The following PRKD1 variants were observed in gnomAD, a reference collection of about 807,000 sequenced individuals.
PRKD1 encodes the protein protein kinase D1.
In PRKD1, 63 loss-of-function variants were observed where a neutral mutation model predicts 95.9. The observed-to-expected ratio is 0.66, with a 90% CI of 0.54 to 0.81. PRKD1 has a LOEUF of 0.81. Among genes scored for constraint, PRKD1 ranks in the 30% least tolerant of loss-of-function variants. PRKD1 has a pLI of 0.00. For missense variants in PRKD1, 1,048 were observed against 1,165.3 expected (o/e 0.90, Z 1.47); for synonymous variants, 425 against 423.1 (o/e 1.00, Z -0.05).
chr14:29,652,726 G>T (rs946782145), intron 4 of PRKD1: 8 of 152,280 alleles, frequency 5.3e-5, no homozygotes, highest in African/African-American at 1.4e-4. Context: ...TATTTAAATG[G>T]AAAAATGACT....
intron 9 of PRKD1, 148 bp from the exon 10 acceptor site, chr14:29,631,169 C>T (rs1879983392): frequency 3.8e-6 from 3 of 794,872 alleles, no homozygotes; most frequent in Admixed American, 3.2e-5. Context: ...CAGAATACTG[C>T]TAAGCAAAAT....
At chr14:29,696,640 CAATAAAAT>C (rs1285805619) in intron 2 of PRKD1, among the ~76,000 whole-genome samples, 2 of 151,988 alleles carry the variant, frequency 1.3e-5, no homozygotes, top group Admixed American at 6.6e-5. Flanking sequence ...AATTATATCC[CAATAAAAT>C]ATTTTTAAAA....
chr14:29,879,429 G>A (rs1377537044), intron 1 of PRKD1, among the ~76,000 whole-genome samples: 6 of 152,222 alleles, frequency 3.9e-5, no homozygotes, highest in African/African-American at 7.2e-5. Context: ...CTGCCACCAC[G>A]TAAGAAGTAC....
chr14:29,718,409 C>T (rs1244151028), intron 2 of PRKD1, among the ~76,000 whole-genome samples: 1 of 151,450 alleles, frequency 6.6e-6, no homozygotes, highest in Admixed American at 6.6e-5. Context: ...GCCCTCCCAA[C>T]CATGTGGAAC....
intron 1 of PRKD1, among the ~76,000 whole-genome samples, chr14:29,839,896 T>A (rs911232466): frequency 6.6e-6 from 1 of 152,002 alleles, no homozygotes; most frequent in East Asian, 1.9e-4. Context: ...ATGGGCTCCC[T>A]TGGACCAGCC....
At chr14:29,850,129 A>G (rs78688012) in intron 1 of PRKD1, among the ~76,000 whole-genome samples, 3,717 of 152,242 alleles carry the variant, frequency 0.024, 148 homozygotes, top group African/African-American at 0.084. Flanking sequence ...CATTCACCTT[A>G]AGAACTGGAA....
chr14:29,843,558 A>T (rs1183376920), intron 1 of PRKD1, among the ~76,000 whole-genome samples: 2 of 152,192 alleles, frequency 1.3e-5, no homozygotes, highest in African/African-American at 4.8e-5. Flanking sequence ...ATGGAGAGAA[A>T]ATTCTAAATG....
intron 1 of PRKD1, among the ~76,000 whole-genome samples, chr14:29,756,560 C>T (rs1027818636): frequency 6.6e-6 from 1 of 152,204 alleles, no homozygotes; most frequent in Non-Finnish European, 1.5e-5. Context: ...AAAAGCAAGA[C>T]AAAACTCCCA....
At chr14:29,698,344 G>A (rs1452658189) in intron 2 of PRKD1, among the ~76,000 whole-genome samples, 1 of 152,022 alleles carries the variant, frequency 6.6e-6, no homozygotes, top group Non-Finnish European at 1.5e-5. Context: ...TTATTTATAA[G>A]GAAAGCTTTT....
intron 13 of PRKD1, among the ~76,000 whole-genome samples, chr14:29,612,428 A>G (rs1194387546): frequency 6.6e-6 from 1 of 152,216 alleles, no homozygotes; most frequent in East Asian, 1.9e-4. Context: ...TATGCTGGGA[A>G]ATAATGATTT....
At chr14:29,758,447 T>C (rs762852596) in intron 1 of PRKD1, among the ~76,000 whole-genome samples, 11 of 152,208 alleles carry the variant, frequency 7.2e-5, no homozygotes, top group Admixed American at 4.6e-4. Context: ...GCACCTCTTG[T>C]TGATATAACG....
At chr14:29,688,747 C>T (rs1884031117) in intron 2 of PRKD1, among the ~76,000 whole-genome samples, 1 of 151,844 alleles carries the variant, frequency 6.6e-6, no homozygotes, top group African/African-American at 2.4e-5. Context: ...GCCTGGGCAA[C>T]ACGGTGAAAC....
chr14:29,837,680 A>G (rs1324662646), intron 1 of PRKD1, among the ~76,000 whole-genome samples: 1 of 152,232 alleles, frequency 6.6e-6, no homozygotes, highest in African/African-American at 2.4e-5. Context: ...AACACAAAGT[A>G]CTACCATTAA....
intron 1 of PRKD1, chr14:29,811,843 C>T (rs998731803): frequency 9.2e-5 from 14 of 152,170 alleles, no homozygotes; most frequent in African/African-American, 3.4e-4. Context: ...AAATTCAGAG[C>T]ATAACACCCC....
intron 1 of PRKD1, among the ~76,000 whole-genome samples, chr14:29,778,803 C>T (rs564930984): frequency 2.6e-5 from 4 of 152,262 alleles, no homozygotes; most frequent in South Asian, 4.1e-4. Flanking sequence ...CCAGCATCAT[C>T]CTGATACCAA....
intron 1 of PRKD1, among the ~76,000 whole-genome samples, chr14:29,841,565 G>A (rs576125155): frequency 6.6e-5 from 10 of 152,166 alleles, no homozygotes; most frequent in East Asian, 3.9e-4. Flanking sequence ...CTCTTTGCCC[G>A]CTGCCATCCA....
intron 9 of PRKD1, among the ~76,000 whole-genome samples, chr14:29,631,756 A>G (rs1880020141): frequency 6.6e-6 from 1 of 151,948 alleles, no homozygotes; most frequent in African/African-American, 2.4e-5. Flanking sequence ...TCGGTGTCCC[A>G]AAGTCCTGGG....
intron 1 of PRKD1, among the ~76,000 whole-genome samples, chr14:29,853,883 A>G (rs1892401842): frequency 6.6e-6 from 1 of 152,106 alleles, no homozygotes; most frequent in Non-Finnish European, 1.5e-5. Context: ...TTCCCTGCAC[A>G]AGCTCTCTCT....
intron 16 of PRKD1, among the ~76,000 whole-genome samples, chr14:29,590,700 C>CCCT (rs754643509): frequency 2.6e-5 from 4 of 152,188 alleles, no homozygotes; most frequent in Non-Finnish European, 4.4e-5. Context: ...CCCATATTTC[C>CCCT]TATAGCCTGT....
Sources: allele counts gnomAD v4.1 joint callset (sites outside exome capture counted in the v4.1 genomes callset), GRCh38; gene constraint gnomAD v4.1.1; transcripts MANE v1.5; gene names NCBI Gene and HGNC (gene_info 2026-07-23, HGNC 2026-07-21).